Variants in LRP1B observed in about 807,000 individuals in gnomAD.
LRP1B encodes LDL receptor related protein 1B, also known as low-density lipoprotein receptor-related protein 1B.
LRP1B carries 217 observed loss-of-function variants against 556.6 expected under a neutral mutation model. The observed-to-expected ratio is 0.39, with a 90% CI of 0.35 to 0.44. The LOEUF is 0.44. Ranked by LOEUF, LRP1B falls within the 20% of genes least tolerant of loss-of-function variation. The pLI is 1.00. For missense variants in LRP1B, 5,053 were observed against 5,620.8 expected (o/e 0.90, Z 3.23); for synonymous variants, 2,047 against 1,865.8 (o/e 1.10, Z -2.50).
At chr2:141,908,264 TAATG>T (rs1410313670) in intron 1 of LRP1B, among the ~76,000 whole-genome samples, 3 of 152,078 alleles carry the variant, frequency 2.0e-5, no homozygotes, top group African/African-American at 7.2e-5. Flanking sequence ...CCTGTTCACA[TAATG>T]AACATAATGT....
chr2:140,872,057 T>TC (rs902796179), intron 25 of LRP1B, among the ~76,000 whole-genome samples: 1 of 147,436 alleles, frequency 6.8e-6, no homozygotes, highest in Non-Finnish European at 1.5e-5. Flanking sequence ...TCATGTTTTT[T>TC]TTTTTTTCTC....
chr2:141,260,218 T>C (rs2105349979), intron 3 of LRP1B, among the ~76,000 whole-genome samples: 1 of 152,310 alleles, frequency 6.6e-6, no homozygotes, highest in East Asian at 1.9e-4. Flanking sequence ...ATTGATCTCT[T>C]TGTATCTATA....
At chr2:142,079,933 G>A (rs72992499) in intron 1 of LRP1B, among the ~76,000 whole-genome samples, 2,928 of 152,180 alleles carry the variant, frequency 0.019, 72 homozygotes, top group East Asian at 0.063. Flanking sequence ...TGTCTATAAA[G>A]GATAATCAGA....
intron 67 of LRP1B, among the ~76,000 whole-genome samples, chr2:140,385,496 C>A (rs539428921): frequency 6.6e-6 from 1 of 151,852 alleles, no homozygotes; most frequent in Non-Finnish European, 1.5e-5. Flanking sequence ...TGCTCATGGG[C>A]GAATTTATAG....
intron 83 of LRP1B, among the ~76,000 whole-genome samples, chr2:140,311,460 TAGG>T (rs1447275851): frequency 1.3e-5 from 2 of 151,722 alleles, no homozygotes; most frequent in East Asian, 3.9e-4. Context: ...TACTTATAAA[TAGG>T]AGCCAAATCA....
At position 142,092,034 on chromosome 2, in the gene LRP1B, C is replaced by G. The variant is rs141512315; in HGVS notation, c.82+38614G>C. On this transcript the variant is annotated intron_variant, in intron 1 of 90. Coordinates refer to ENST00000389484, the MANE Select transcript of LRP1B (RefSeq NM_018557.3). The stretch of plus-strand genomic sequence containing the variant: ...CGGGTGAAAAACAAGAGGACGAACA[C>G]TCACTGACAATGGCAGAGCAAGCAA... 6.4e-3 allele frequency among the ~76,000 whole-genome samples: 969 copies of G among 152,332 alleles called. 10 individuals carry two copies. Among genetic ancestry groups the G allele is most frequent in the Non-Finnish European group, 6.0e-3 (408 of 68,030 alleles).
At chr2:141,570,691 C>G (rs1686494361) in intron 2 of LRP1B, among the ~76,000 whole-genome samples, 1 of 151,350 alleles carries the variant, frequency 6.6e-6, no homozygotes, top group Non-Finnish European at 1.5e-5. Flanking sequence ...ATCTCTATAG[C>G]TTCAGGCTGT....
At chr2:141,957,147 A>G (rs1701276171) in intron 1 of LRP1B, among the ~76,000 whole-genome samples, 1 of 151,916 alleles carries the variant, frequency 6.6e-6, no homozygotes, top group Non-Finnish European at 1.5e-5. Context: ...ATATTTGTAT[A>G]CTTTTCACTT....
chr2:140,813,725 C>T lies in LRP1B; in HGVS notation c.5291G>A (p.Gly1764Asp), dbSNP rs1314265233. Residue 1764 changes from glycine to aspartate, a missense_variant, in exon 32 of 91, where the codon GGT becomes GAT. Transcript: ENST00000389484. The stretch of plus-strand genomic sequence containing the variant: ...TGACTCGATTACTTCTAAATTACCA[C>T]CATCCAGGTTGCATCTATTTATGGT... Reference protein sequence around the residue: ...NGTINRCNLDGGNLEVIESMK... With the variant: ...NGTINRCNLDDGNLEVIESMK... 6.2e-7 allele frequency: 1 copy of T among 1,611,304 alleles called. No individual in the cohort carries two copies. The highest frequency in any genetic ancestry group is 8.5e-7 in the Non-Finnish European group (1 of 1,177,706).
chr2:141,707,393 A>T (rs973518532), intron 2 of LRP1B, among the ~76,000 whole-genome samples: 1 of 152,072 alleles, frequency 6.6e-6, no homozygotes, highest in Non-Finnish European at 1.5e-5. Context: ...CCTAGGAAGG[A>T]TCTGATACCA....
intron 2 of LRP1B, among the ~76,000 whole-genome samples, chr2:141,567,564 G>A (rs570467719): frequency 6.6e-6 from 1 of 152,102 alleles, no homozygotes; most frequent in South Asian, 2.1e-4. Context: ...TATTTGCTGT[G>A]AAGTCATTGA....
At chr2:140,744,622 G>T (rs1412432406) in intron 35 of LRP1B, among the ~76,000 whole-genome samples, 1 of 152,146 alleles carries the variant, frequency 6.6e-6, no homozygotes, top group Non-Finnish European at 1.5e-5. Context: ...ATGAATCTGT[G>T]CAGGCTCACT....
In LRP1B at chr2:141,775,638, G is replaced by A. The variant is rs192467817; in HGVS notation, c.205+34641C>T. 1.8e-3 allele frequency among the ~76,000 whole-genome samples: 277 copies of A among 152,232 alleles called. 1 individual carries two copies. Among genetic ancestry groups the A allele is most frequent in the Middle Eastern group, 3.4e-3 (1 of 294 alleles). On this transcript the variant is annotated intron_variant, in intron 2 of 90. Coordinates refer to ENST00000389484, the MANE Select transcript of LRP1B (RefSeq NM_018557.3). ...TGGTGGCAGAGTGGAGTGAACTCAT[G>A]TCAACAAATGGTACTAGCATTAAAG...
At chr2:140,690,176 A>G (rs904200096) in intron 41 of LRP1B, among the ~76,000 whole-genome samples, 18 of 152,002 alleles carry the variant, frequency 1.2e-4, no homozygotes, top group Admixed American at 1.3e-4. Flanking sequence ...AAGCACCGAG[A>G]AGAATCCACA....
intron 1 of LRP1B, among the ~76,000 whole-genome samples, chr2:141,938,778 G>A (rs1377056504): frequency 6.6e-6 from 1 of 152,116 alleles, no homozygotes; most frequent in African/African-American, 2.4e-5. Flanking sequence ...GTGTGTATAT[G>A]TGTATCTATA....
At chr2:140,879,856 A>G (rs1693418507) in intron 25 of LRP1B, among the ~76,000 whole-genome samples, 1 of 151,946 alleles carries the variant, frequency 6.6e-6, no homozygotes, top group Non-Finnish European at 1.5e-5. Flanking sequence ...AAACTGGGTC[A>G]AAAGACATGA....
At chr2:142,125,993 C>T (rs1190740723) in intron 1 of LRP1B, among the ~76,000 whole-genome samples, 1 of 151,840 alleles carries the variant, frequency 6.6e-6, no homozygotes, top group Non-Finnish European at 1.5e-5. Context: ...GATATTTTCT[C>T]ATAGGAGTTT....
intron 7 of LRP1B, among the ~76,000 whole-genome samples, chr2:141,075,271 G>A (rs909762839): frequency 6.6e-6 from 1 of 152,202 alleles, no homozygotes; most frequent in Non-Finnish European, 1.5e-5. Context: ...GTCTGAGTCA[G>A]TAGGACTTCC....
At chr2:140,427,453 C>G (rs1685712197) in intron 66 of LRP1B, among the ~76,000 whole-genome samples, 1 of 152,072 alleles carries the variant, frequency 6.6e-6, no homozygotes, top group Non-Finnish European at 1.5e-5. Flanking sequence ...AACTTAAAAC[C>G]TCTTCAACTC....
Sources: allele counts gnomAD v4.1 joint callset (sites outside exome capture counted in the v4.1 genomes callset), GRCh38; gene constraint gnomAD v4.1.1; transcripts MANE v1.5; gene names NCBI Gene and HGNC (gene_info 2026-07-23, HGNC 2026-07-21).